TRPM5: variants seen among roughly 807,000 people sequenced by gnomAD.
The protein encoded by TRPM5 is MLSN1 and TRP-related.
Under a neutral mutation model 124.9 loss-of-function variants are expected in TRPM5, and 121 were observed. That is an observed-to-expected ratio of 0.97 (90% confidence interval 0.84 to 1.13). The LOEUF (loss-of-function observed/expected upper bound fraction) is 1.13, where lower values mean the gene tolerates loss of function less well. TRPM5 is among the 50% of genes most tolerant of loss of function. The pLI is 0.00. For synonymous variants in TRPM5, 781 were observed against 700.5 expected (o/e 1.11, Z -1.81); for missense variants, 1,643 against 1,589.1 (o/e 1.03, Z -0.58).
intron 16 of TRPM5, 22 bp downstream of exon 21, chr11:2,412,113 A>G: frequency 6.3e-7 from 1 of 1,589,300 alleles, no homozygotes; most frequent in South Asian, 1.1e-5. Flanking sequence ...CTGAGGCCAC[A>G]CGGCCTCTGG....
chr11:2,414,009 G>GGGCCGGCCCCCCCCCCCC, intron 12 of TRPM5, 52 bp downstream of exon 17: 1 of 1,023,732 alleles, frequency 9.8e-7, no homozygotes, highest in Non-Finnish European at 1.4e-6. Flanking sequence ...GGCCCAGCTC[G>GGGCCGGCCCCCCCCCCCC]CCCGCCCACC....
rs371620792 is a variant in TRPM5 at position 2,404,882 on chromosome 11, C to T, written c.*55G>A. On this transcript the variant is annotated 3_prime_UTR_variant, in exon 24 of 24. Transcript: ENST00000155858. ...GAGGTCGGCAAAGGTCAGTGCACAA[C>T]GTGCAGGGTGGCCAGCTGAGGAGAG... 2.3e-4 allele frequency: 340 copies of T among 1,483,444 alleles called. 1 individual carries two copies. The highest frequency in any genetic ancestry group is 6.5e-4 in the African/African-American group (47 of 72,478). 91.9% of individuals were successfully genotyped at this position (1,483,444 alleles called of 1,614,324 possible).
chr11:2,406,918 G>A, intron 20 of TRPM5, 125 bp from the exon 26 acceptor site: 1 of 1,423,046 alleles, frequency 7.0e-7, no homozygotes, highest in Non-Finnish European at 9.4e-7. Flanking sequence ...CAGGGATGGA[G>A]GGCAAGCATG....
Position 2,406,005 on chromosome 11 carries a change from T to C in TRPM5, c.3324+14A>G, listed in dbSNP as rs11824593. On this transcript the variant is annotated intron_variant, in intron 22 of 23. Transcript: ENST00000155858. ...CGCCTCCCATCAGGGAGAGGAGCTC[T>C]GGGGCTCGCTTGCCTGTGACTCCAG... 26,079 of 1,609,048 alleles carry C rather than the reference T, an allele frequency of 0.016. 2,519 individuals are homozygous for C. In the African/African-American group the frequency reaches 0.24, roughly 15 times the overall value.
In TRPM5 at chr11:2,417,692, A is replaced by G. The variant is rs575464026; in HGVS notation, c.1009+35T>C. 7.4e-5 allele frequency: 112 copies of G among 1,512,726 alleles called. 1 individual carries two copies. The highest frequency in any genetic ancestry group is 7.3e-4 in the South Asian group (61 of 83,598). 93.7% of individuals were successfully genotyped at this position (1,512,726 alleles called of 1,614,324 possible). ...GCGGCTCTGAGCATGAAGCCCCCCAATGGCGCCTGCCTTGCCCACCCTGCC... is the reference window on the plus strand; with the variant it reads ...GCGGCTCTGAGCATGAAGCCCCCCAGTGGCGCCTGCCTTGCCCACCCTGCC... On this transcript the variant is annotated intron_variant, in intron 7 of 23. Transcript: ENST00000155858.
upstream of TRPM5, among the ~76,000 whole-genome samples, chr11:2,423,670 G>A (rs1011141862): frequency 3.3e-5 from 5 of 152,178 alleles, no homozygotes; most frequent in Admixed American, 1.3e-4. Flanking sequence ...AGCTATTCCC[G>A]TGGCGCTCCC....
exon 12 of TRPM5, chr11:2,414,185 C>T: frequency 6.2e-7 from 1 of 1,609,798 alleles, no homozygotes; most frequent in Non-Finnish European, 8.5e-7. Context: ...CTCACTGTTG[C>T]TGTAGCACTC....
chr11:2,417,934 G>C, intron 6 of TRPM5, 105 bp from the exon 12 acceptor site: 1 of 1,174,410 alleles, frequency 8.5e-7, no homozygotes, highest in Non-Finnish European at 1.2e-6. Context: ...CCCCAGGTGA[G>C]CCTTGCAGCC....
At chr11:2,414,241 G>A (rs370276809) in intron 11 of TRPM5, 35 bp from the exon 17 acceptor site, 7 of 1,589,630 alleles carry the variant, frequency 4.4e-6, no homozygotes, top group East Asian at 2.3e-5. Flanking sequence ...AGGACGAGAC[G>A]CCGATGCCCG....
chr11:2,422,629 G>A (rs890688061), intron 1 of TRPM5, among the ~76,000 whole-genome samples: 9 of 151,816 alleles, frequency 5.9e-5, no homozygotes, highest in African/African-American at 2.2e-4. Context: ...CCCCCTCAGT[G>A]AGCCGAGGGC....
Position 2,422,121 on chromosome 11 carries a change from T to C in TRPM5, c.298+20A>G, listed in dbSNP as rs778945557. On this transcript the variant is annotated intron_variant, in intron 2 of 23. Transcript: ENST00000155858. ...TGCCCTGTGGGGTGGGAGCGCTGCC[T>C]GTGCCGGGTGGGGCCTCACCTGTGC... 1.8e-5 allele frequency: 28 copies of C among 1,570,230 alleles called. No individual in the cohort carries two copies. The African/African-American group carries it at 3.7e-4, about 21-fold the overall frequency.
chr11:2,407,101 G>A lies in TRPM5; in HGVS notation c.3118+18C>T, dbSNP rs573893767. On this transcript the variant is annotated intron_variant, in intron 20 of 23. Transcript: ENST00000155858. ...ACCTCGGCCTCACCCAGGTGCTCCC[G>A]CTTGTGCTCGGCCTCACCCAGGTGC... 11 of 1,053,384 alleles carry A rather than the reference G, an allele frequency of 1.0e-5. No individual in the cohort carries two copies. Among genetic ancestry groups the A allele is most frequent in the African/African-American group, 6.0e-5 (4 of 67,148 alleles). The allele number at this position is 1,053,384 out of a possible 1,614,324, so 65.3% of individuals were successfully genotyped here.
chr11:2,437,995 T>C, the TRPM5 span, among the ~76,000 whole-genome samples: 1,017 of 152,184 alleles, frequency 6.7e-3, 11 homozygotes, highest in African/African-American at 0.023. The surrounding 1 kb of genome is among the most constrained non-coding windows in gnomAD (Gnocchi z 5.6). Context: ...TTCACCACAG[T>C]CAAATAGACT....
chr11:2,418,550 T>C (rs375002234), exon 5 of TRPM5: 1 of 1,611,624 alleles, frequency 6.2e-7, no homozygotes, highest in Admixed American at 1.7e-5. Context: ...GGATCACCAT[T>C]GACCAGCAAG....
chr11:2,433,857 ACAG>A, the TRPM5 span, among the ~76,000 whole-genome samples: 1 of 151,386 alleles, frequency 6.6e-6, no homozygotes, highest in Non-Finnish European at 1.5e-5. Context: ...GTGTGTGCGG[ACAG>A]CAGGTGTGCC....
rs926095381 is a variant in TRPM5, at chr11:2,414,569, TC to T, written c.1744+145del. 5.1e-5 allele frequency: 61 copies of T among 1,200,632 alleles called. No homozygotes were observed. In the African/African-American group the frequency reaches 8.5e-4, roughly 17 times the overall value. 74.4% of individuals were successfully genotyped at this position (1,200,632 alleles called of 1,614,324 possible). On this transcript the variant is annotated intron_variant, in intron 11 of 23. Transcript: ENST00000155858. ...CCTCCACCCCAGGCAGAGCCGTCTG[TC>T]CTCTCCTATGGAGGAGGCCCCTGAG...
chr11:2,422,399 CA>C, intron 1 of TRPM5, 78 bp from the exon 7 acceptor site: 1 of 1,152,538 alleles, frequency 8.7e-7, no homozygotes, highest in Admixed American at 2.6e-5. Context: ...GGGCTGGACA[CA>C]AGGGGGCACT....
chr11:2,432,325 C>A, the TRPM5 span, among the ~76,000 whole-genome samples: 2 of 152,346 alleles, frequency 1.3e-5, no homozygotes, highest in African/African-American at 4.8e-5. Context: ...TACGTTGGAA[C>A]TTCCTTTGGA....
intron 11 of TRPM5, 94 bp from the exon 17 acceptor site, chr11:2,414,300 T>C: frequency 6.7e-7 from 1 of 1,483,050 alleles, no homozygotes. Flanking sequence ...ACCTGGGCTC[T>C]GCAGCCGCAC....
Sources: allele counts gnomAD v4.1 joint callset (sites outside exome capture counted in the v4.1 genomes callset), GRCh38; gene constraint gnomAD v4.1.1; non-coding constraint Gnocchi (gnomAD v3.1); transcripts MANE v1.5; gene names NCBI Gene and HGNC (gene_info 2026-07-23, HGNC 2026-07-21).